The following ABCB9 variants were observed in gnomAD, a reference collection of about 807,000 sequenced individuals.
ABCB9 encodes the protein ABC-type oligopeptide transporter ABCB9.
In ABCB9, 36 loss-of-function variants were observed where a neutral mutation model predicts 62.0. That is an observed-to-expected ratio of 0.58 (90% confidence interval 0.45 to 0.77). The LOEUF is 0.77. Ranked by LOEUF, ABCB9 falls within the 30% of genes least tolerant of loss-of-function variation. The pLI is 0.00. For missense variants in ABCB9, 943 were observed against 1,054.7 expected (o/e 0.89, Z 1.47); for synonymous variants, 435 against 461.4 (o/e 0.94, Z 0.73).
chr12:122,934,827 GA>G (rs58045778), intron 10 of ABCB9, among the ~76,000 whole-genome samples: 80 of 146,416 alleles, frequency 5.5e-4, no homozygotes, highest in Non-Finnish European at 8.3e-4. Context: ...CCTTTAATAG[GA>G]AAAAAAAAAC....
At chr12:122,946,317 C>T in intron 5 of ABCB9, 95 bp from the exon 6 acceptor site, 1 of 1,253,280 alleles carries the variant, frequency 8.0e-7, no homozygotes, top group Non-Finnish European at 1.1e-6. Flanking sequence ...CCACCCTTCG[C>T]TGGCACCAGC....
At chr12:122,945,896 A>T in intron 6 of ABCB9, 129 bp downstream of exon 6, 1 of 950,052 alleles carries the variant, frequency 1.1e-6, no homozygotes, top group South Asian at 1.7e-5. Context: ...AAAAAAAAAA[A>T]AAGAAAGACA....
chr12:122,923,051 C>A (rs954002644), intron 11 of ABCB9, among the ~76,000 whole-genome samples: 44 of 152,000 alleles, frequency 2.9e-4, no homozygotes, highest in African/African-American at 1.1e-3. Flanking sequence ...CTCAAGTGAT[C>A]CACCTGCCTC....
chr12:122,947,440 AC>A lies in ABCB9; in HGVS notation c.1053+1183del, dbSNP rs1400695049. The A allele has an allele frequency of 2.7e-5, 12 of 449,896 alleles. No homozygotes were observed. The highest frequency in any genetic ancestry group is 1.9e-4 in the South Asian group (12 of 63,888). The allele number at this position is 449,896 out of a possible 1,614,324, so 27.9% of individuals were successfully genotyped here. ...GCTACCCTGGTCTCAGGTCACCAAC[AC>A]CAAAGGCTCCAATGGAGCTGCGACA... On this transcript the variant is annotated intron_variant, in intron 5 of 11. Coordinates refer to ENST00000280560, the MANE Select transcript of ABCB9 (RefSeq NM_019625.4). The surrounding 1 kb of genome is among the most constrained non-coding windows in gnomAD (Gnocchi z 6.0).
chr12:122,943,425 C>T (rs1047627911), intron 7 of ABCB9, among the ~76,000 whole-genome samples: 8 of 152,288 alleles, frequency 5.3e-5, no homozygotes, highest in Middle Eastern at 3.4e-3. Context: ...CGAGGCACTA[C>T]GCTGGAAGTA....
intron 2 of ABCB9, among the ~76,000 whole-genome samples, chr12:122,954,255 C>G (rs1443338624): frequency 1.3e-5 from 2 of 152,062 alleles, no homozygotes; most frequent in East Asian, 1.9e-4. Context: ...GTTGCCCAGG[C>G]TGCGATGCAA....
chr12:122,966,653 T>C (rs1377364378), upstream of ABCB9: 3 of 151,590 alleles, frequency 2.0e-5, no homozygotes, highest in Non-Finnish European at 4.4e-5. Context: ...ACGGGCCTCC[T>C]GGGGGCGGGG....
chr12:122,929,912 C>T lies in ABCB9; in HGVS notation c.2300G>A (p.Ter767=). The T allele has an allele frequency of 6.5e-7, 1 of 1,538,654 alleles. No individual in the cohort carries two copies. Among genetic ancestry groups the T allele is most frequent in the Non-Finnish European group, 8.8e-7 (1 of 1,140,328 alleles). Residue 767 remains the stop codon, a stop_retained_variant, in exon 12 of 12, where the codon TGA becomes TAA. Coordinates refer to ENST00000280560, the MANE Select transcript of ABCB9 (RefSeq NM_019625.4). This position sits in a 1 kb window ranked among gnomAD's most constrained non-coding sequence, Gnocchi z 6.0. The part of the protein sequence containing the change: ...EPVANGSHKA[*] ...ACCGGGAGAAGCAGGGGCCCCCCAT[C>T]AGGCCTTGTGACTGCCGTTGGCTAC...
chr12:122,942,474 C>G (rs764859163), intron 7 of ABCB9, among the ~76,000 whole-genome samples: 1 of 151,778 alleles, frequency 6.6e-6, no homozygotes, highest in Non-Finnish European at 1.5e-5. Flanking sequence ...CAAAAATTAG[C>G]TGGGCATGGT....
chr12:122,946,123 C>T lies in ABCB9; in HGVS notation c.1153G>A (p.Glu385Lys). 6.2e-7 allele frequency: 1 copy of T among 1,614,156 alleles called. No individual in the cohort carries two copies. Among genetic ancestry groups the T allele is most frequent in the African/African-American group, 1.3e-5 (1 of 75,052 alleles). The change falls in exon 6 of 12, where the codon GAG becomes AAG. Residue 385 changes from glutamate (E) to lysine (K), a missense_variant. Physicochemically the swap from Glu to Lys is moderately conservative, Grantham distance 56. Transcript: ENST00000280560. ...CGCAGGTACACCTCTGCCTCCTCCT[C>T]CTCATTGGCGAAGCTCCGGACAGTC... ...MKTVRSFANE[E>K]EEAEVYLRKL...
At chr12:122,926,252 T>G (rs548532384), downstream of ABCB9, among the ~76,000 whole-genome samples, 11 of 152,128 alleles carry the variant, frequency 7.2e-5, no homozygotes, top group Non-Finnish European at 1.3e-4. Flanking sequence ...AAAACAATTT[T>G]AAAAACATTA....
intron 7 of ABCB9, among the ~76,000 whole-genome samples, chr12:122,943,775 T>C (rs1216642209): frequency 2.0e-5 from 3 of 147,888 alleles, no homozygotes; most frequent in African/African-American, 7.6e-5. Context: ...CCACCGCACC[T>C]GGCCCTTTCT....
In ABCB9 at chr12:122,940,939, C is replaced by T. The variant is rs775502966; in HGVS notation, c.1437G>A (p.Val479=). ...TCGGCTGCCGGTCGATGAACTCGAA[C>T]ACCTTCTCAGCAGCCCCCACTCCCT... ...LMQGVGAAEK[V]FEFIDRQPTM... is the part of the protein sequence containing the mutation. The change falls in exon 8 of 12, where the codon GTG becomes GTA. Residue 479 remains valine (V), a synonymous_variant. Transcript: ENST00000280560. The surrounding 1 kb of genome is among the most constrained non-coding windows in gnomAD (Gnocchi z 4.8). 16 of 1,612,848 alleles carry T rather than the reference C, an allele frequency of 9.9e-6. No individual in the cohort carries two copies. Among genetic ancestry groups the T allele is most frequent in the Admixed American group, 1.7e-5 (1 of 59,866 alleles).
rs753852827 is a variant in ABCB9 at position 122,946,164 on chromosome 12, G to A, written c.1112C>T (p.Thr371Ile). ...LARASNTAEE[T>I]ISAMKTVRSF... ...CCGGACAGTCTTCATGGCACTGATG[G>A]TCTCCTCCGCCGTGTTGCTCGCTCT... The change falls in exon 6 of 12, where the codon ACC becomes ATC. Residue 371 changes from threonine to isoleucine, a missense_variant. Coordinates refer to ENST00000280560, the MANE Select transcript of ABCB9 (RefSeq NM_019625.4). 6 of 1,614,016 alleles carry A rather than the reference G, an allele frequency of 3.7e-6. No homozygotes were observed. Among genetic ancestry groups the A allele is most frequent in the Non-Finnish European group, 5.1e-6 (6 of 1,180,042 alleles).
At chr12:122,924,132 C>T (rs1204643754), downstream of ABCB9, among the ~76,000 whole-genome samples, 2 of 152,172 alleles carry the variant, frequency 1.3e-5, no homozygotes, top group South Asian at 2.1e-4. Flanking sequence ...GGATTGGGGT[C>T]GTCTTTAGCC....
rs2035177032 is a variant in ABCB9 at position 122,931,706 on chromosome 12, C to T, written c.2040+486G>A. 3 of 169,562 alleles carry T rather than the reference C, an allele frequency of 1.8e-5. No homozygotes were observed. In the South Asian group the frequency reaches 4.4e-4, roughly 25 times the overall value. The allele number at this position is 169,562 out of a possible 1,614,324, so 10.5% of individuals were successfully genotyped here. A position where few individuals can be genotyped will look rare whatever the true frequency, so the allele number is the denominator to read the frequency against. ...TCGCCCAGGCTGGAGTGCAGTGGCA[C>T]AATCTCGGCTGACTGCAACCTCCAC... On this transcript the variant is annotated intron_variant, in intron 11 of 11. Coordinates refer to ENST00000280560, the MANE Select transcript of ABCB9 (RefSeq NM_019625.4).
Position 122,930,044 on chromosome 12 carries a change from G to A in ABCB9, c.2168C>T (p.Thr723Ile). Residue 723 changes from threonine to isoleucine, a missense_variant, in exon 12 of 12, where the codon ACC (threonine) becomes ATC (isoleucine). Thr to Ile is a moderately conservative substitution (Grantham distance 89). Transcript: ENST00000280560. This position sits in a 1 kb window ranked among gnomAD's most constrained non-coding sequence, Gnocchi z 4.9. Reference protein sequence around the residue: ...LDKGRVVQQGTHQQLLAQGGL... With the variant: ...LDKGRVVQQGIHQQLLAQGGL... ...GCCCTGGGCCAGCAGCTGCTGGTGG[G>A]TGCCCTGCTGCACTACGCGGCCCTT... 6.4e-7 allele frequency: 1 copy of A among 1,571,618 alleles called. No homozygotes were observed. The highest frequency in any genetic ancestry group is 8.6e-7 in the Non-Finnish European group (1 of 1,159,320).
downstream of ABCB9, among the ~76,000 whole-genome samples, chr12:122,920,564 G>A (rs536627404): frequency 3.9e-5 from 6 of 151,986 alleles, no homozygotes; most frequent in African/African-American, 7.3e-5. Context: ...TGCATTAACC[G>A]TAGTAGCTGC....
At position 122,944,331 on chromosome 12, in the gene ABCB9, G is replaced by T. The variant is rs1325106386; in HGVS notation, c.1380+60C>A. On this transcript the variant is annotated intron_variant, in intron 7 of 11. Coordinates refer to ENST00000280560, the MANE Select transcript of ABCB9 (RefSeq NM_019625.4). The surrounding 1 kb of genome is among the most constrained non-coding windows in gnomAD (Gnocchi z 4.9). ...TGGAGCCCCGCCCCCACCCTGTTAA[G>T]ATCCCTCTTCCCCAAACTCCTCCCT... is the stretch of plus-strand genomic sequence containing the variant. 2.6e-5 allele frequency: 34 copies of T among 1,286,650 alleles called. No homozygotes were observed. The highest frequency in any genetic ancestry group is 3.2e-5 in the Non-Finnish European group (30 of 924,826). The allele number at this position is 1,286,650 out of a possible 1,614,324, so 79.7% of individuals were successfully genotyped here.
Sources: gnomAD v4.1 joint callset for allele counts (sites outside exome capture counted in the v4.1 genomes callset) on GRCh38, gnomAD v4.1.1 for gene constraint, Gnocchi (gnomAD v3.1) non-coding constraint, MANE v1.5 for transcripts, NCBI Gene and HGNC (gene_info 2026-07-23, HGNC 2026-07-21) for gene names.